The following TRIP12 variants were observed in gnomAD, a reference collection of about 807,000 sequenced individuals.
TRIP12 encodes the protein E3 ubiquitin-protein ligase TRIP12.
TRIP12 carries 25 observed loss-of-function variants against 244.2 expected under a neutral mutation model. That is an observed-to-expected ratio of 0.10 (90% CI 0.07 to 0.14). The LOEUF (loss-of-function observed/expected upper bound fraction) is 0.14, where lower values mean the gene tolerates loss of function less well. Among genes scored for constraint, TRIP12 ranks in the 10% least tolerant of loss-of-function variants. The probability of loss-of-function intolerance (pLI) is 1.00; values close to 1 mark genes in which losing one functional copy is unlikely to be tolerated. For missense variants in TRIP12, 1,677 were observed against 2,486.4 expected (o/e 0.67, Z 6.92); for synonymous variants, 905 against 873.1 (o/e 1.04, Z -0.64).
intron 25 of TRIP12, 75 bp from the exon 26 acceptor site, chr2:229,795,405 TA>T: frequency 6.7e-7 from 1 of 1,488,918 alleles, no homozygotes; most frequent in South Asian, 1.3e-5. Context: ...GAAGATTTAA[TA>T]AGCAGCTTTA....
intron 4 of TRIP12, among the ~76,000 whole-genome samples, chr2:229,852,644 G>A (rs1234697839): frequency 6.6e-6 from 1 of 152,110 alleles, no homozygotes; most frequent in Non-Finnish European, 1.5e-5. Context: ...CTTTTACCAA[G>A]TAACACAGAA....
chr2:229,782,824 T>C (rs2038697288), intron 34 of TRIP12, among the ~76,000 whole-genome samples: 1 of 152,100 alleles, frequency 6.6e-6, no homozygotes, highest in Non-Finnish European at 1.5e-5. Flanking sequence ...AGTCACAACT[T>C]TGAGGTTATA....
chr2:229,906,303 C>CA (rs34519454), intron 1 of TRIP12, among the ~76,000 whole-genome samples: 34,572 of 98,464 alleles, frequency 0.35, 4,635 homozygotes, highest in East Asian at 0.49. Flanking sequence ...GAGACTGTCT[C>CA]AAAAAAAAAA....
At chr2:229,846,831 T>C (rs1319147232) in intron 4 of TRIP12, among the ~76,000 whole-genome samples, 1 of 152,238 alleles carries the variant, frequency 6.6e-6, no homozygotes, top group African/African-American at 2.4e-5. Context: ...ATGCACAGCA[T>C]TTCATGCACT....
intron 2 of TRIP12, among the ~76,000 whole-genome samples, chr2:229,868,892 G>C (rs1050080048): frequency 2.0e-5 from 3 of 152,172 alleles, no homozygotes; most frequent in Admixed American, 2.0e-4. Context: ...TGCAAGGTAG[G>C]ATGGTACTTG....
chr2:229,836,762 G>A (rs560933040), intron 6 of TRIP12, 86 bp downstream of exon 6: 175 of 1,422,324 alleles, frequency 1.2e-4, no homozygotes, highest in Non-Finnish European at 1.6e-4. Flanking sequence ...TTATACGATA[G>A]TAACACCTAG....
intron 7 of TRIP12, among the ~76,000 whole-genome samples, chr2:229,829,838 A>G (rs1047011639): frequency 6.6e-6 from 1 of 152,066 alleles, no homozygotes; most frequent in African/African-American, 2.4e-5. Context: ...AATTCTAGCT[A>G]CTCAGGAGGA....
rs957067801 is a variant in TRIP12, at chr2:229,765,289, T to A, written c.*2265A>T. On this transcript the variant is annotated 3_prime_UTR_variant, in exon 42 of 42. Transcript: ENST00000675903. ...AAGAAGTTAGTGCTCGTTGATAGGA[T>A]TACCAAGCAAATGAATTTAAGGCAT... 6.6e-6 allele frequency: 1 copy of A among 152,152 alleles called. No homozygotes were observed. The highest frequency in any genetic ancestry group is 2.4e-5 in the African/African-American group (1 of 41,412). The allele number at this position is 152,152 out of a possible 1,614,324, so 9.4% of individuals were successfully genotyped here. A position where few individuals can be genotyped will look rare whatever the true frequency, so the allele number is the denominator to read the frequency against.
intron 21 of TRIP12, 129 bp downstream of exon 21, chr2:229,802,119 TTAAC>T: frequency 1.6e-6 from 1 of 613,324 alleles, no homozygotes; most frequent in East Asian, 3.4e-5. Context: ...CCCATTCTCA[TTAAC>T]AAAATACAAA....
intron 1 of TRIP12, chr2:229,921,293 C>G (rs1156597782): frequency 6.5e-6 from 1 of 152,784 alleles, no homozygotes; most frequent in East Asian, 1.9e-4. Context: ...TCTCTCTGGC[C>G]TCTCCCTTCT....
chr2:229,810,478 G>A (rs989544507), intron 15 of TRIP12, among the ~76,000 whole-genome samples: 7 of 152,120 alleles, frequency 4.6e-5, no homozygotes, highest in African/African-American at 1.4e-4. Flanking sequence ...CTTTTTGAGG[G>A]AAGACAGCAT....
At chr2:229,790,595 G>T (rs1403747859) in intron 30 of TRIP12, among the ~76,000 whole-genome samples, 1 of 152,054 alleles carries the variant, frequency 6.6e-6, no homozygotes, top group Non-Finnish European at 1.5e-5. Flanking sequence ...GGCACTGTTA[G>T]TATCGTATTT....
At chr2:229,909,408 A>G (rs1220145413) in intron 1 of TRIP12, among the ~76,000 whole-genome samples, 1 of 151,782 alleles carries the variant, frequency 6.6e-6, no homozygotes, top group Non-Finnish European at 1.5e-5. Context: ...AAATTAAAAT[A>G]TTAGCTGGAT....
chr2:229,818,972 G>A (rs1253948321), intron 8 of TRIP12, among the ~76,000 whole-genome samples: 1 of 146,048 alleles, frequency 6.8e-6, no homozygotes, highest in Non-Finnish European at 1.5e-5. Context: ...AAAGGGCAAG[G>A]AAATAAAAAA....
chr2:229,768,576 C>A, intron 41 of TRIP12, 40 bp downstream of exon 41: 1 of 1,592,540 alleles, frequency 6.3e-7, no homozygotes, highest in South Asian at 1.1e-5. Flanking sequence ...CAAACCCACC[C>A]ATAGGTAGAA....
intron 1 of TRIP12, among the ~76,000 whole-genome samples, chr2:229,911,146 CAG>C: frequency 6.6e-6 from 1 of 152,322 alleles, no homozygotes; most frequent in Non-Finnish European, 1.5e-5. Context: ...AGCAGTAAAA[CAG>C]ATAGACTTCA....
At chr2:229,879,771 T>C (rs563031209) in intron 2 of TRIP12, among the ~76,000 whole-genome samples, 1 of 152,324 alleles carries the variant, frequency 6.6e-6, no homozygotes, top group East Asian at 1.9e-4. Context: ...ATCATGTCAG[T>C]GGCTATGAAC....
chr2:229,843,276 A>G (rs546396650), intron 4 of TRIP12, among the ~76,000 whole-genome samples: 2 of 152,206 alleles, frequency 1.3e-5, no homozygotes, highest in East Asian at 1.9e-4. Flanking sequence ...CTTTTCCTCA[A>G]AATTCTTGAC....
At position 229,818,421 on chromosome 2, in the gene TRIP12, G is replaced by T; in HGVS notation, c.1542C>A (p.Val514=). The stretch of plus-strand genomic sequence containing the variant: ...CTCCCAGTGTCTCCTCATTTCCCAT[G>T]ACCAGTAACTGACACATCTCAATAA... ...QAVIEMCQLL[V]MGNEETLGGF... The change falls in exon 9 of 42, where the codon GTC becomes GTA. Residue 514 remains valine (V), a synonymous_variant. Coordinates refer to ENST00000675903, the MANE Select transcript of TRIP12 (RefSeq NM_001348323.3). 1 of 1,614,106 alleles carries T rather than the reference G, an allele frequency of 6.2e-7. No homozygotes were observed. Among genetic ancestry groups the T allele is most frequent in the Admixed American group, 1.7e-5 (1 of 60,024 alleles).
Sources: allele counts gnomAD v4.1 joint callset (sites outside exome capture counted in the v4.1 genomes callset), GRCh38; gene constraint gnomAD v4.1.1; transcripts MANE v1.5; gene names NCBI Gene and HGNC (gene_info 2026-07-23, HGNC 2026-07-21).